TRIM55: variants seen among roughly 807,000 people sequenced by gnomAD.
TRIM55 encodes tripartite motif-containing protein 55.
Under a neutral mutation model 60.9 loss-of-function variants are expected in TRIM55, and 50 were observed. That is an observed-to-expected ratio of 0.82 (90% CI 0.65 to 1.04). The LOEUF (loss-of-function observed/expected upper bound fraction) is 1.04, where lower values mean the gene tolerates loss of function less well. TRIM55 is among the 50% of genes least tolerant of loss of function. TRIM55 has a pLI of 0.00. For synonymous variants in TRIM55, 237 were observed against 238.1 expected, an observed-to-expected ratio of 1.00 and a Z score of 0.04; for missense variants, 681 against 666.9, an observed-to-expected ratio of 1.02 and a Z score of -0.23.
chr8:66,118,034 T>C, the TRIM55 span, among the ~76,000 whole-genome samples: 1 of 150,384 alleles, frequency 6.6e-6, no homozygotes, highest in East Asian at 2.0e-4. Flanking sequence ...CCGGGTGTGG[T>C]GGCGGGCCCC....
chr8:66,125,882 C>A (rs1808801113), upstream of TRIM55, among the ~76,000 whole-genome samples: 1 of 152,052 alleles, frequency 6.6e-6, no homozygotes, highest in African/African-American at 2.4e-5. Context: ...GTTTATTGCC[C>A]AAGGTTTTTA....
rs373480880 is a variant in TRIM55 at position 66,149,777 on chromosome 8, G to A, written c.736G>A (p.Ala246Thr). Residue 246 changes from alanine (A) to threonine (T), a missense_variant, in exon 5 of 10, where the codon GCT (alanine) becomes ACT (threonine). Transcript: ENST00000315962. Reference sequence around the variant, plus strand: ...AGAGGAGAAACTGGAACATGTCCGTGCTCTGATCAAAAAGTATTCTGATCA... The same window carrying A: ...AGAGGAGAAACTGGAACATGTCCGTACTCTGATCAAAAAGTATTCTGATCA... ...TQEEKLEHVR[A>T]LIKKYSDHLE... The A allele has an allele frequency of 6.2e-7, 1 of 1,614,168 alleles. No homozygotes were observed. Among genetic ancestry groups the A allele is most frequent in the Non-Finnish European group, 8.5e-7 (1 of 1,180,008 alleles).
At chr8:66,138,336 G>A (rs1809604113) in intron 4 of TRIM55, among the ~76,000 whole-genome samples, 1 of 152,032 alleles carries the variant, frequency 6.6e-6, no homozygotes, top group Non-Finnish European at 1.5e-5. Context: ...GGTACTATGT[G>A]GTATTTTTCA....
rs1586275686 is a variant in TRIM55 at position 66,174,759 on chromosome 8, G to A, written c.*166G>A. On this transcript the variant is annotated 3_prime_UTR_variant, in exon 10 of 10. Coordinates refer to ENST00000315962, the MANE Select transcript of TRIM55 (RefSeq NM_184085.2). ...TTCCATATGACTTATCTAACATCTTGGGGGGAAAGAATATTTTGAGAAAAT... is the reference window on the plus strand; with the variant it reads ...TTCCATATGACTTATCTAACATCTTAGGGGGAAAGAATATTTTGAGAAAAT... The A allele has an allele frequency of 3.6e-6, 2 of 552,328 alleles. No homozygotes were observed. Among genetic ancestry groups the A allele is most frequent in the East Asian group, 9.0e-5 (2 of 22,190 alleles). 34.2% of individuals were successfully genotyped at this position (552,328 alleles called of 1,614,324 possible).
chr8:66,150,157 C>A, intron 5 of TRIM55, 60 bp from the exon 6 acceptor site: 2 of 1,575,156 alleles, frequency 1.3e-6, no homozygotes, highest in South Asian at 2.3e-5. Context: ...AAATAATTGT[C>A]TTACCACTGT....
At chr8:66,134,502 T>C (rs752069475) in intron 2 of TRIM55, among the ~76,000 whole-genome samples, 9 of 152,156 alleles carry the variant, frequency 5.9e-5, no homozygotes, top group South Asian at 2.1e-4. Context: ...TCCTAAAAGC[T>C]GGTGCAAACT....
intron 9 of TRIM55, among the ~76,000 whole-genome samples, chr8:66,163,583 A>G (rs972908606): frequency 1.3e-5 from 2 of 152,230 alleles, no homozygotes; most frequent in East Asian, 3.8e-4. Flanking sequence ...AGATTTTCAG[A>G]TATCTTTCTT....
At chr8:66,139,878 G>C (rs1223853224) in intron 4 of TRIM55, among the ~76,000 whole-genome samples, 1 of 152,098 alleles carries the variant, frequency 6.6e-6, no homozygotes, top group African/African-American at 2.4e-5. Context: ...TAACAGTACA[G>C]AAAGTACAGT....
At chr8:66,140,255 G>C (rs541981061) in intron 4 of TRIM55, among the ~76,000 whole-genome samples, 1 of 152,342 alleles carries the variant, frequency 6.6e-6, no homozygotes, top group African/African-American at 2.4e-5. Flanking sequence ...TTCATGGGGA[G>C]AAATTAGGAA....
chr8:66,152,739 A>G (rs1246461394), intron 8 of TRIM55, 112 bp downstream of exon 8: 2 of 1,385,330 alleles, frequency 1.4e-6, no homozygotes, highest in East Asian at 2.3e-5. Context: ...TATGCCAGAC[A>G]TTCGTATATG....
At chr8:66,166,751 G>A (rs981981075) in intron 9 of TRIM55, among the ~76,000 whole-genome samples, 2 of 152,210 alleles carry the variant, frequency 1.3e-5, no homozygotes, top group African/African-American at 4.8e-5. Flanking sequence ...GGATCACAGA[G>A]TAGCTGGGAG....
chr8:66,152,450 A>C lies in TRIM55; in HGVS notation c.1059A>C (p.Ala353=). ...GAGAAGGAGAAGTGGGAGGAGAAGCAGTAGAAGTGGAAGAGGTAGAAAATG... is the reference window on the plus strand; with the variant it reads ...GAGAAGGAGAAGTGGGAGGAGAAGCCGTAGAAGTGGAAGAGGTAGAAAATG... ...KEGEGEVGGE[A]VEVEEVENVQ... Residue 353 remains alanine, a synonymous_variant, in exon 8 of 10, where the codon GCA becomes GCC. Coordinates refer to ENST00000315962, the MANE Select transcript of TRIM55 (RefSeq NM_184085.2). 1.2e-6 allele frequency: 2 copies of C among 1,613,940 alleles called. No individual in the cohort carries two copies. Among genetic ancestry groups the C allele is most frequent in the Non-Finnish European group, 1.7e-6 (2 of 1,179,832 alleles).
chr8:66,152,152 G>C (rs1363273668), intron 7 of TRIM55: 2 of 587,910 alleles, frequency 3.4e-6, no homozygotes, highest in Non-Finnish European at 5.9e-6. Context: ...CTTTGTACTG[G>C]GGAGGAGAAC....
At chr8:66,134,647 A>G (rs140405568) in intron 2 of TRIM55, among the ~76,000 whole-genome samples, 8 of 152,282 alleles carry the variant, frequency 5.3e-5, no homozygotes, top group African/African-American at 1.4e-4. Context: ...TTCTACTTTC[A>G]GGAATTTCAC....
At chr8:66,138,917 A>C (rs971818699) in intron 4 of TRIM55, among the ~76,000 whole-genome samples, 1 of 152,174 alleles carries the variant, frequency 6.6e-6, no homozygotes, top group African/African-American at 2.4e-5. Context: ...TCAAAGCTAA[A>C]GGCCATTTTC....
intron 2 of TRIM55, among the ~76,000 whole-genome samples, chr8:66,132,377 C>T (rs1006914679): frequency 2.0e-5 from 3 of 152,188 alleles, no homozygotes; most frequent in Non-Finnish European, 2.9e-5. Context: ...TGCTTGAACC[C>T]GGGAAGGTGG....
chr8:66,174,168 CT>C (rs1003446353), intron 9 of TRIM55, among the ~76,000 whole-genome samples: 3 of 148,020 alleles, frequency 2.0e-5, no homozygotes, highest in Non-Finnish European at 4.5e-5. Context: ...TACAAGTGGA[CT>C]TAAAAAAAAA....
chr8:66,171,741 G>A (rs1811648690), intron 9 of TRIM55, among the ~76,000 whole-genome samples: 2 of 152,182 alleles, frequency 1.3e-5, no homozygotes, highest in South Asian at 4.1e-4. Context: ...AAGGCTGTAG[G>A]AAAAAGATCT....
intron 2 of TRIM55, among the ~76,000 whole-genome samples, chr8:66,134,083 C>T (rs1809334526): frequency 6.6e-6 from 1 of 152,150 alleles, no homozygotes; most frequent in Admixed American, 6.5e-5. Context: ...TTTATTTTAA[C>T]AATGCAGATC....
Sources: allele counts gnomAD v4.1 joint callset (sites outside exome capture counted in the v4.1 genomes callset), GRCh38; gene constraint gnomAD v4.1.1; transcripts MANE v1.5; gene names NCBI Gene and HGNC (gene_info 2026-07-23, HGNC 2026-07-21).